FSTL5: variants seen among roughly 807,000 people sequenced by gnomAD.
The protein encoded by FSTL5 is follistatin-related protein 5.
FSTL5 carries 62 observed loss-of-function variants against 89.1 expected under a neutral mutation model. The ratio of observed to expected loss-of-function variants is 0.70; its 90% CI spans 0.57 to 0.86. The LOEUF (loss-of-function observed/expected upper bound fraction) is 0.86. FSTL5 is among the 40% of genes least tolerant of loss of function. FSTL5 has a pLI of 0.00. For synonymous variants in FSTL5, 383 were observed against 346.2 expected (o/e 1.11, Z -1.18); for missense variants, 1,057 against 1,001.6 (o/e 1.06, Z -0.75).
intron 11 of FSTL5, among the ~76,000 whole-genome samples, chr4:161,502,084 A>G (rs551562429): frequency 3.9e-5 from 6 of 152,002 alleles, no homozygotes; most frequent in African/African-American, 7.2e-5. Context: ...AACTTTGCCA[A>G]AATACTGTTC....
At chr4:162,148,357 G>A (rs1365190353) in intron 1 of FSTL5, among the ~76,000 whole-genome samples, 1 of 152,098 alleles carries the variant, frequency 6.6e-6, no homozygotes, top group Non-Finnish European at 1.5e-5. Context: ...GTTTTTTAGT[G>A]TGATAATTAT....
chr4:162,010,101 T>C (rs1736718509), intron 3 of FSTL5, among the ~76,000 whole-genome samples: 1 of 152,118 alleles, frequency 6.6e-6, no homozygotes, highest in African/African-American at 2.4e-5. Context: ...GTAGGTTAAC[T>C]TGCTTTTTAT....
At chr4:161,884,297 C>G (rs1410900047) in intron 4 of FSTL5, among the ~76,000 whole-genome samples, 1 of 152,102 alleles carries the variant, frequency 6.6e-6, no homozygotes, top group Non-Finnish European at 1.5e-5. Flanking sequence ...CAGCATTTTT[C>G]AAACTGGTGT....
chr4:161,618,939 A>G (rs1166552830), intron 7 of FSTL5, among the ~76,000 whole-genome samples: 2 of 152,258 alleles, frequency 1.3e-5, no homozygotes, highest in African/African-American at 4.8e-5. Flanking sequence ...ACTTCAAACT[A>G]TACTATAAGG....
At chr4:162,085,889 T>A (rs2111344750) in intron 2 of FSTL5, among the ~76,000 whole-genome samples, 1 of 152,226 alleles carries the variant, frequency 6.6e-6, no homozygotes, top group South Asian at 2.1e-4. Flanking sequence ...TCTAAGCCAA[T>A]TTCACAGTTT....
At chr4:161,578,449 A>AG (rs1733310650) in intron 8 of FSTL5, among the ~76,000 whole-genome samples, 1 of 152,122 alleles carries the variant, frequency 6.6e-6, no homozygotes. Context: ...AGAGACAGAG[A>AG]GAAAAAAAGG....
At chr4:161,511,032 T>C (rs1037703390) in intron 10 of FSTL5, among the ~76,000 whole-genome samples, 9 of 152,120 alleles carry the variant, frequency 5.9e-5, no homozygotes, top group African/African-American at 1.9e-4. Context: ...TTTAAAAATA[T>C]TATATAGTGA....
intron 7 of FSTL5, among the ~76,000 whole-genome samples, chr4:161,625,734 GC>G (rs1735294913): frequency 6.6e-6 from 1 of 152,104 alleles, no homozygotes; most frequent in East Asian, 1.9e-4. Flanking sequence ...CAGGTCAAAA[GC>G]TAGGGTTCTT....
intron 4 of FSTL5, among the ~76,000 whole-genome samples, chr4:161,899,704 A>T (rs1733289494): frequency 6.6e-6 from 1 of 152,198 alleles, no homozygotes; most frequent in African/African-American, 2.4e-5. Context: ...GGAGACAGAG[A>T]AAGACAGACA....
intron 4 of FSTL5, among the ~76,000 whole-genome samples, chr4:161,918,018 G>A (rs1177171644): frequency 2.6e-5 from 4 of 151,850 alleles, no homozygotes; most frequent in African/African-American, 9.7e-5. Flanking sequence ...TGAATATAAG[G>A]TTTTGCAGTT....
intron 2 of FSTL5, among the ~76,000 whole-genome samples, chr4:162,102,974 T>C (rs184506932): frequency 1.6e-3 from 243 of 152,130 alleles, no homozygotes; most frequent in African/African-American, 5.6e-3. Flanking sequence ...TTATGGTTAC[T>C]TTTAAAGCTT....
At chr4:161,899,205 C>T (rs1010696585) in intron 4 of FSTL5, among the ~76,000 whole-genome samples, 6 of 151,950 alleles carry the variant, frequency 3.9e-5, no homozygotes, top group African/African-American at 1.5e-4. Flanking sequence ...TTCCACTAGA[C>T]AGAGACATGG....
intron 1 of FSTL5, among the ~76,000 whole-genome samples, chr4:162,151,379 CTGTT>C (rs1733218977): frequency 6.6e-6 from 1 of 152,042 alleles, no homozygotes; most frequent in Non-Finnish European, 1.5e-5. Flanking sequence ...ACATTACTGT[CTGTT>C]TAACAGTTTC....
intron 7 of FSTL5, among the ~76,000 whole-genome samples, chr4:161,645,612 G>A (rs529761049): frequency 6.6e-6 from 1 of 152,094 alleles, no homozygotes; most frequent in East Asian, 1.9e-4. Flanking sequence ...ATGATTACAT[G>A]CCATGTCTCT....
chr4:161,946,075 T>C (rs1734726787), intron 3 of FSTL5, among the ~76,000 whole-genome samples: 1 of 152,218 alleles, frequency 6.6e-6, no homozygotes, highest in African/African-American at 2.4e-5. Context: ...AGTTTGTCTA[T>C]GATTTCTTTA....
intron 3 of FSTL5, among the ~76,000 whole-genome samples, chr4:161,988,144 T>C (rs968810835): frequency 2.6e-5 from 4 of 152,100 alleles, no homozygotes; most frequent in South Asian, 4.1e-4. Flanking sequence ...TCTTTGATTT[T>C]GCAAAATTGG....
At chr4:162,008,110 T>A (rs1736662174) in intron 3 of FSTL5, among the ~76,000 whole-genome samples, 1 of 151,882 alleles carries the variant, frequency 6.6e-6, no homozygotes, top group African/African-American at 2.4e-5. Flanking sequence ...ATGAAAATTG[T>A]ATATAAATGG....
chr4:161,757,985 C>G (rs532003131), intron 6 of FSTL5, among the ~76,000 whole-genome samples: 10 of 152,258 alleles, frequency 6.6e-5, no homozygotes, highest in African/African-American at 2.2e-4. Context: ...AAAGAACTAA[C>G]AGTTTACCGG....
intron 1 of FSTL5, among the ~76,000 whole-genome samples, chr4:162,115,376 A>T (rs1731598490): frequency 6.6e-6 from 1 of 152,228 alleles, no homozygotes; most frequent in Non-Finnish European, 1.5e-5. Context: ...ACTCATCCAC[A>T]GAAAGTGTTC....
Sources: allele counts gnomAD v4.1 joint callset (sites outside exome capture counted in the v4.1 genomes callset), GRCh38; gene constraint gnomAD v4.1.1; transcripts MANE v1.5; gene names NCBI Gene and HGNC (gene_info 2026-07-23, HGNC 2026-07-21).